DPP10: variants seen among roughly 807,000 people sequenced by gnomAD.
The protein encoded by DPP10 is inactive dipeptidyl peptidase 10.
A neutral mutation model predicts 120.9 loss-of-function variants in DPP10; 33 were observed. That is an observed-to-expected ratio of 0.27 (90% CI 0.21 to 0.37). The LOEUF is 0.37. Ranked by LOEUF, DPP10 falls within the 10% of genes least tolerant of loss-of-function variation. The pLI is 1.00. For missense variants in DPP10, 816 were observed against 942.8 expected (o/e 0.87, Z 1.76); for synonymous variants, 337 against 326.1 (o/e 1.03, Z -0.36).
intron 1 of DPP10, among the ~76,000 whole-genome samples, chr2:115,191,709 C>T (rs1047312805): frequency 2.8e-4 from 43 of 152,132 alleles, no homozygotes; most frequent in Admixed American, 2.4e-3. Flanking sequence ...ACTGTGGTTT[C>T]GGTAGTTAGG....
chr2:114,873,672 C>CA (rs1296790026), intron 1 of DPP10, among the ~76,000 whole-genome samples: 5 of 150,170 alleles, frequency 3.3e-5, no homozygotes, highest in Non-Finnish European at 7.4e-5. Context: ...GCTGGCTAGC[C>CA]AAAAAAACGT....
intron 1 of DPP10, among the ~76,000 whole-genome samples, chr2:114,473,415 T>C (rs72949880): frequency 0.039 from 6,016 of 152,318 alleles, 401 homozygotes; most frequent in African/African-American, 0.14. Flanking sequence ...AAGACAGTTA[T>C]TTACCATAGT....
intron 5 of DPP10, among the ~76,000 whole-genome samples, chr2:115,538,974 T>C (rs763120172): frequency 3.3e-5 from 5 of 152,010 alleles, no homozygotes; most frequent in African/African-American, 4.8e-5. Flanking sequence ...ATATTAGTAA[T>C]TGATTTAACC....
At chr2:115,478,689 T>C (rs1027592256) in intron 3 of DPP10, among the ~76,000 whole-genome samples, 4 of 152,034 alleles carry the variant, frequency 2.6e-5, no homozygotes, top group Non-Finnish European at 5.9e-5. Context: ...ATATAGAAAA[T>C]GCCTACAACT....
At chr2:114,826,009 A>G (rs1292703704) in intron 1 of DPP10, among the ~76,000 whole-genome samples, 1 of 152,210 alleles carries the variant, frequency 6.6e-6, no homozygotes, top group Non-Finnish European at 1.5e-5. Flanking sequence ...CCACATTCCA[A>G]TTGCTGCAAT....
chr2:115,127,869 A>T (rs1048726664), intron 1 of DPP10, among the ~76,000 whole-genome samples: 1 of 152,216 alleles, frequency 6.6e-6, no homozygotes, highest in Non-Finnish European at 1.5e-5. Context: ...AAAGTGGCAA[A>T]GGATATACTC....
chr2:114,987,801 T>A (rs912583857), intron 1 of DPP10, among the ~76,000 whole-genome samples: 1 of 92,942 alleles, frequency 1.1e-5, no homozygotes, highest in East Asian at 3.0e-4. Flanking sequence ...GTGTGGAGAC[T>A]GTCTTTTTTT....
intron 5 of DPP10, among the ~76,000 whole-genome samples, chr2:115,682,362 G>T (rs2090720138): frequency 6.6e-6 from 1 of 151,884 alleles, no homozygotes; most frequent in African/African-American, 2.4e-5. Context: ...CATTGTCAAT[G>T]AGGCTGTTAG....
chr2:114,698,813 T>G (rs1700216678), intron 1 of DPP10, among the ~76,000 whole-genome samples: 1 of 152,094 alleles, frequency 6.6e-6, no homozygotes, highest in Admixed American at 6.6e-5. Flanking sequence ...GGGGGCTTGG[T>G]GCATTCAAAT....
chr2:114,758,509 T>C (rs1400543719), intron 1 of DPP10, among the ~76,000 whole-genome samples: 4 of 152,198 alleles, frequency 2.6e-5, no homozygotes, highest in Admixed American at 6.5e-5. Flanking sequence ...TATACAGTAA[T>C]GGTGAATGAT....
chr2:114,657,370 C>A lies in DPP10; in HGVS notation c.60+214532C>A, dbSNP rs74376740. ...ATGTTTCAAAATGATTTTCAGTGTACCCTTTCCTAACTAGTCATAATTTAG... is the reference window on the plus strand; with the variant it reads ...ATGTTTCAAAATGATTTTCAGTGTAACCTTTCCTAACTAGTCATAATTTAG... On this transcript the variant is annotated intron_variant, in intron 1 of 25. Coordinates refer to ENST00000410059, the MANE Select transcript of DPP10 (RefSeq NM_020868.6). Among the ~76,000 whole-genome samples, 251 of 152,190 alleles carry A rather than the reference C, an allele frequency of 1.6e-3. 1 individual carries two copies. Among genetic ancestry groups the A allele is most frequent in the African/African-American group, 5.7e-3 (237 of 41,534 alleles).
chr2:115,146,436 C>A (rs905140411), intron 1 of DPP10, among the ~76,000 whole-genome samples: 1 of 151,830 alleles, frequency 6.6e-6, no homozygotes. Context: ...TTTACAAAAT[C>A]CCTGTTATTT....
At chr2:114,601,182 G>A (rs965410424) in intron 1 of DPP10, among the ~76,000 whole-genome samples, 2 of 151,724 alleles carry the variant, frequency 1.3e-5, no homozygotes, top group African/African-American at 2.4e-5. Context: ...CTCTAATGAC[G>A]TTGTAATGGG....
chr2:115,133,145 G>GTGTGTATATATATATATATATATA (rs1338395575), intron 1 of DPP10, among the ~76,000 whole-genome samples: 1 of 28,760 alleles, frequency 3.5e-5, no homozygotes, highest in African/African-American at 1.3e-4. Flanking sequence ...GTGTGTGTGT[G>GTGTGTATATATATATATATATATA]TATATATATA....
In DPP10 at chr2:114,561,462, A is replaced by G. The variant is rs1047543706; in HGVS notation, c.60+118624A>G. Among the ~76,000 whole-genome samples, 3 of 152,120 alleles carry G rather than the reference A, an allele frequency of 2.0e-5. No individual in the cohort carries two copies. In the East Asian group the frequency reaches 5.8e-4, roughly 29 times the overall value. ...ACACACGTACACACCACATACACATACACACACGACACACCACAAATACAT... is the reference window on the plus strand; with the variant it reads ...ACACACGTACACACCACATACACATGCACACACGACACACCACAAATACAT... On this transcript the variant is annotated intron_variant, in intron 1 of 25. Transcript: ENST00000410059.
chr2:114,829,781 C>T (rs1686916851), intron 1 of DPP10, among the ~76,000 whole-genome samples: 1 of 152,046 alleles, frequency 6.6e-6, no homozygotes, highest in African/African-American at 2.4e-5. Context: ...TTCAAGGTTC[C>T]TAAAATAGTT....
At chr2:114,974,064 TG>T (rs1699583331) in intron 1 of DPP10, among the ~76,000 whole-genome samples, 1 of 152,176 alleles carries the variant, frequency 6.6e-6, no homozygotes, top group Non-Finnish European at 1.5e-5. Context: ...AGTAAAAAAC[TG>T]CAGTAAGCTA....
At chr2:114,538,950 C>A (rs1008530902) in intron 1 of DPP10, among the ~76,000 whole-genome samples, 1 of 152,038 alleles carries the variant, frequency 6.6e-6, no homozygotes, top group African/African-American at 2.4e-5. Context: ...TCACACATAC[C>A]CATCCAACTG....
rs1055536999 is a variant in DPP10 at position 115,845,226 on chromosome 2, A to G, written c.*2881A>G. 1 of 152,232 alleles carries G rather than the reference A, an allele frequency of 6.6e-6. No homozygotes were observed. Among genetic ancestry groups the G allele is most frequent in the African/African-American group, 2.4e-5 (1 of 41,448 alleles). The allele number at this position is 152,232 out of a possible 1,614,324, so 9.4% of individuals were successfully genotyped here. ...GCACATAGCTTCTATGAGGAGTTATATATGAAATACCACTTGTGTCCCTCC... is the reference window on the plus strand; with the variant it reads ...GCACATAGCTTCTATGAGGAGTTATGTATGAAATACCACTTGTGTCCCTCC... On this transcript the variant is annotated 3_prime_UTR_variant, in exon 26 of 26. Coordinates refer to ENST00000410059, the MANE Select transcript of DPP10 (RefSeq NM_020868.6).
Sources: allele counts gnomAD v4.1 joint callset (sites outside exome capture counted in the v4.1 genomes callset), GRCh38; gene constraint gnomAD v4.1.1; transcripts MANE v1.5; gene names NCBI Gene and HGNC (gene_info 2026-07-23, HGNC 2026-07-21).